The following MAPT variants were observed in gnomAD, a reference collection of about 807,000 sequenced individuals.
MAPT encodes the protein microtubule associated protein tau.
A neutral mutation model predicts 67.9 loss-of-function variants in MAPT; 34 were observed. The observed-to-expected ratio is 0.50, with a 90% CI of 0.38 to 0.67. The LOEUF (loss-of-function observed/expected upper bound fraction) is 0.67. Ranked by LOEUF, MAPT falls within the 30% of genes least tolerant of loss-of-function variation. The probability of loss-of-function intolerance (pLI) is 0.00; values close to 1 mark genes in which losing one functional copy is unlikely to be tolerated. For missense variants in MAPT, 881 were observed against 1,115.2 expected, an observed-to-expected ratio of 0.79 and a Z score of 2.99; for synonymous variants, 456 against 464.5, an observed-to-expected ratio of 0.98 and a Z score of 0.23.
chr17:45,951,695 G>A lies in MAPT; in HGVS notation c.-17-10626G>A, dbSNP rs1028142217. 4.6e-5 allele frequency among the ~76,000 whole-genome samples: 7 copies of A among 150,788 alleles called. No individual in the cohort carries two copies. In the South Asian group the frequency reaches 8.5e-4, roughly 18 times the overall value. ...CTCAGCTAGCCCCTTCCCCCACCCCGCCCCCCGGGCCTCAATTTAGCTAAA... is the reference window on the plus strand; with the variant it reads ...CTCAGCTAGCCCCTTCCCCCACCCCACCCCCCGGGCCTCAATTTAGCTAAA... On this transcript the variant is annotated intron_variant, in intron 1 of 12. Transcript: ENST00000262410.
chr17:45,902,626 G>C (rs1414599327), intron 1 of MAPT, among the ~76,000 whole-genome samples: 1 of 152,188 alleles, frequency 6.6e-6, no homozygotes, highest in Non-Finnish European at 1.5e-5. Context: ...CCCATCTTCT[G>C]TCTGTCTGCC....
intron 8 of MAPT, among the ~76,000 whole-genome samples, chr17:45,992,321 A>G (rs17651857): frequency 0.14 from 22,051 of 152,166 alleles, 2,140 homozygotes; most frequent in Non-Finnish European, 0.22. Context: ...CCAGCATGGC[A>G]TGTTTTCAGT....
At chr17:45,935,323 A>G (rs981655919) in intron 1 of MAPT, among the ~76,000 whole-genome samples, 1 of 151,862 alleles carries the variant, frequency 6.6e-6, no homozygotes, top group African/African-American at 2.4e-5. Flanking sequence ...GTTCTGCAGC[A>G]ACCTTTCCTA....
chr17:46,018,849 G>C, intron 12 of MAPT, 119 bp downstream of exon 12: 2 of 751,964 alleles, frequency 2.7e-6, no homozygotes, highest in South Asian at 3.1e-5. Flanking sequence ...GTGTTGACTG[G>C]CTGGATGTGG....
intron 2 of MAPT, among the ~76,000 whole-genome samples, chr17:45,965,899 C>T (rs182397490): frequency 3.3e-5 from 5 of 152,272 alleles, no homozygotes; most frequent in Admixed American, 2.0e-4. Context: ...GGATGACGTC[C>T]GCTTCACAGA....
chr17:45,912,775 A>G (rs1369641456), intron 1 of MAPT, among the ~76,000 whole-genome samples: 1 of 152,236 alleles, frequency 6.6e-6, no homozygotes, highest in Non-Finnish European at 1.5e-5. Flanking sequence ...GTTCACCTGA[A>G]ATTCAAATTT....
chr17:45,911,849 T>G (rs1301724401), intron 1 of MAPT, among the ~76,000 whole-genome samples: 2 of 152,220 alleles, frequency 1.3e-5, no homozygotes, highest in African/African-American at 4.8e-5. Flanking sequence ...CTTATATATT[T>G]ATTTGTTCAT....
chr17:45,990,229 G>A (rs1252392225), intron 7 of MAPT, among the ~76,000 whole-genome samples, 154 bp downstream of exon 7: 1 of 152,160 alleles, frequency 6.6e-6, no homozygotes, highest in Non-Finnish European at 1.5e-5. Flanking sequence ...GGGCAAAGGG[G>A]AAAAGAGAGC....
intron 1 of MAPT, among the ~76,000 whole-genome samples, chr17:45,928,815 C>T (rs529990174): frequency 2.0e-5 from 3 of 152,188 alleles, no homozygotes; most frequent in Non-Finnish European, 2.9e-5. Context: ...CCTGCCTCAG[C>T]CTCCTGAGTG....
At chr17:45,967,480 C>T (rs751389896) in intron 2 of MAPT, among the ~76,000 whole-genome samples, 3 of 152,154 alleles carry the variant, frequency 2.0e-5, no homozygotes, top group Non-Finnish European at 2.9e-5. Flanking sequence ...AGCCTTCTTG[C>T]GGCAGTTTGC....
rs759796390 is a variant in MAPT at position 45,971,834 on chromosome 17, T to G, written c.134-25T>G. 5 of 1,555,204 alleles carry G rather than the reference T, an allele frequency of 3.2e-6. No homozygotes were observed. Among genetic ancestry groups the G allele is most frequent in the Admixed American group, 3.3e-5 (2 of 59,932 alleles). ...GGGCGCTGGGGAGAGGCCACCGTTCTGAGGGCTCACTGTATGTGTTCCAGA... is the reference window on the plus strand; with the variant it reads ...GGGCGCTGGGGAGAGGCCACCGTTCGGAGGGCTCACTGTATGTGTTCCAGA... On this transcript the variant is annotated intron_variant, in intron 2 of 12. Coordinates refer to ENST00000262410, the MANE Select transcript of MAPT (RefSeq NM_001377265.1). This position sits in a 1 kb window ranked among gnomAD's most constrained non-coding sequence, Gnocchi z 4.3.
chr17:45,917,669 GT>G (rs2065312318), intron 1 of MAPT, among the ~76,000 whole-genome samples: 2 of 152,234 alleles, frequency 1.3e-5, no homozygotes, highest in Admixed American at 1.3e-4. Flanking sequence ...TGAGGGAACA[GT>G]TCCCAATGAC....
intron 7 of MAPT, among the ~76,000 whole-genome samples, chr17:45,990,687 TG>T (rs1174018125): frequency 1.3e-5 from 2 of 152,206 alleles, no homozygotes; most frequent in South Asian, 2.1e-4. Flanking sequence ...GCTTCCAGAT[TG>T]CCCTGATCTG....
intron 1 of MAPT, among the ~76,000 whole-genome samples, chr17:45,950,314 C>T (rs1312337495): frequency 6.6e-6 from 1 of 152,160 alleles, no homozygotes; most frequent in African/African-American, 2.4e-5. Context: ...TTCTCGTCCA[C>T]CCCACAACAC....
chr17:45,935,612 T>G (rs914741746), intron 1 of MAPT, among the ~76,000 whole-genome samples: 4 of 152,108 alleles, frequency 2.6e-5, no homozygotes, highest in African/African-American at 7.2e-5. Flanking sequence ...AGGGAGCCGG[T>G]CCCCTGATGC....
At chr17:45,901,765 C>T (rs1294873576) in intron 1 of MAPT, among the ~76,000 whole-genome samples, 1 of 152,174 alleles carries the variant, frequency 6.6e-6, no homozygotes, top group East Asian at 1.9e-4. Flanking sequence ...CTCAGGTCTT[C>T]TCTTGGTGTC....
rs1358418932 is a variant in MAPT, at chr17:45,983,335, C to T, written c.756C>T (p.Asp252=). ...TRQPSGTGPE[D]TEGGRHAPEL... is the part of the protein sequence containing the mutation. ...AACCTTCGGGGACAGGACCTGAGGA[C>T]ACAGAGGGCGGCCGCCACGCCCCTG... The change falls in exon 5 of 13, where the codon GAC becomes GAT. Residue 252 remains aspartate, a synonymous_variant. Transcript: ENST00000262410. The T allele has an allele frequency of 6.2e-7, 1 of 1,602,572 alleles. No individual in the cohort carries two copies. The highest frequency in any genetic ancestry group is 8.5e-7 in the Non-Finnish European group (1 of 1,175,162).
intron 1 of MAPT, among the ~76,000 whole-genome samples, chr17:45,944,207 G>A (rs2068249654): frequency 6.6e-6 from 1 of 152,188 alleles, no homozygotes; most frequent in Non-Finnish European, 1.5e-5. Flanking sequence ...ATGAAGAATT[G>A]CAGTTCAGAG....
chr17:45,989,179 T>C (rs1204782020), intron 6 of MAPT, among the ~76,000 whole-genome samples: 1 of 152,130 alleles, frequency 6.6e-6, no homozygotes, highest in Non-Finnish European at 1.5e-5. Flanking sequence ...CGTGACACAC[T>C]TGGGGACATT....
Sources: allele counts gnomAD v4.1 joint callset (sites outside exome capture counted in the v4.1 genomes callset), GRCh38; gene constraint gnomAD v4.1.1; non-coding constraint Gnocchi (gnomAD v3.1); transcripts MANE v1.5; gene names NCBI Gene and HGNC (gene_info 2026-07-23, HGNC 2026-07-21).